Variants in AEBP2 observed in about 807,000 individuals in gnomAD.
The protein encoded by AEBP2 is AE binding protein 2.
Under a neutral mutation model 50.8 loss-of-function variants are expected in AEBP2, and 10 were observed. The ratio of observed to expected loss-of-function variants is 0.20; its 90% CI spans 0.12 to 0.33. The LOEUF (loss-of-function observed/expected upper bound fraction) is 0.33, where lower values mean the gene tolerates loss of function less well. Ranked by LOEUF, AEBP2 falls within the 10% of genes least tolerant of loss-of-function variation. The pLI is 1.00. For missense variants in AEBP2, 570 were observed against 688.0 expected (o/e 0.83, Z 1.92); for synonymous variants, 296 against 261.3 (o/e 1.13, Z -1.28).
chr12:19,431,139 G>T (rs1351487063), intron 1 of AEBP2, among the ~76,000 whole-genome samples: 1 of 152,094 alleles, frequency 6.6e-6, no homozygotes, highest in Non-Finnish European at 1.5e-5. Context: ...GGAAAAATAG[G>T]GGTATGACTA....
At chr12:19,509,176 C>T (rs1949197313) in intron 5 of AEBP2, 2 of 412,622 alleles carry the variant, frequency 4.8e-6, no homozygotes, top group Non-Finnish European at 9.2e-6. Flanking sequence ...GTGACAGGAT[C>T]AAACATGCTT....
intron 3 of AEBP2, among the ~76,000 whole-genome samples, chr12:19,480,362 C>T (rs1415036435): frequency 6.6e-6 from 1 of 152,206 alleles, no homozygotes; most frequent in African/African-American, 2.4e-5. Context: ...ACCTCGGCCT[C>T]CCAGAGTGCT....
chr12:19,439,006 C>T (rs1947891649), upstream of AEBP2, among the ~76,000 whole-genome samples: 1 of 152,130 alleles, frequency 6.6e-6, no homozygotes, highest in African/African-American at 2.4e-5. Context: ...AGTTTGAGGA[C>T]CCTGAACCAA....
intron 1 of AEBP2, among the ~76,000 whole-genome samples, chr12:19,414,496 G>A (rs1291545145): frequency 1.3e-5 from 2 of 152,154 alleles, no homozygotes; most frequent in Non-Finnish European, 2.9e-5. Flanking sequence ...CTGGCACTAG[G>A]ATGAGGTGAG....
At chr12:19,467,609 A>T (rs200799624) in intron 2 of AEBP2, among the ~76,000 whole-genome samples, 1 of 152,104 alleles carries the variant, frequency 6.6e-6, no homozygotes, top group East Asian at 1.9e-4. Flanking sequence ...CCGTACGTCT[A>T]TGTGTGACTG....
chr12:19,466,385 G>A (rs1013517342), intron 2 of AEBP2, among the ~76,000 whole-genome samples: 1 of 152,110 alleles, frequency 6.6e-6, no homozygotes, highest in African/African-American at 2.4e-5. Context: ...GAGCCCAGGA[G>A]GTTGAGGCTG....
chr12:19,426,644 C>T (rs2095748693), intron 1 of AEBP2, among the ~76,000 whole-genome samples: 1 of 152,300 alleles, frequency 6.6e-6, no homozygotes, highest in African/African-American at 2.4e-5. Flanking sequence ...TGACTCACTC[C>T]TGTAATCCCA....
At chr12:19,416,400 C>CTTTTCTTTTT (rs796313053) in intron 1 of AEBP2, among the ~76,000 whole-genome samples, 9 of 146,750 alleles carry the variant, frequency 6.1e-5, no homozygotes, top group East Asian at 2.0e-4. Context: ...TCTTAGCTAT[C>CTTTTCTTTTT]TTTTCTTTTT....
At chr12:19,466,014 A>G (rs1341071658) in intron 2 of AEBP2, among the ~76,000 whole-genome samples, 1 of 150,880 alleles carries the variant, frequency 6.6e-6, no homozygotes, top group Admixed American at 6.6e-5. Context: ...CTGGTCTCGA[A>G]CTCCTGATCT....
chr12:19,413,343 G>A (rs879015050), intron 1 of AEBP2: 14 of 1,085,654 alleles, frequency 1.3e-5, no homozygotes, highest in Admixed American at 3.4e-5. Context: ...CTGAGAAGGT[G>A]TCAGAACAAG....
intron 1 of AEBP2, among the ~76,000 whole-genome samples, chr12:19,462,298 T>G (rs900774640): frequency 6.6e-6 from 1 of 152,136 alleles, no homozygotes; most frequent in Non-Finnish European, 1.5e-5. Context: ...CATTTCTGAT[T>G]TTGAGGTACT....
intron 5 of AEBP2, among the ~76,000 whole-genome samples, chr12:19,506,694 ATTG>A: frequency 6.6e-6 from 1 of 152,186 alleles, no homozygotes; most frequent in Admixed American, 6.5e-5. Context: ...TTGAGAACAA[ATTG>A]TAGAAAGTCA....
intron 1 of AEBP2, among the ~76,000 whole-genome samples, chr12:19,427,863 A>G (rs1314103286): frequency 6.6e-6 from 1 of 152,168 alleles, no homozygotes; most frequent in African/African-American, 2.4e-5. Flanking sequence ...GGGAATTAAA[A>G]AAAATCACAT....
intron 1 of AEBP2, 32 bp downstream of exon 1, chr12:19,440,402 C>T (rs534661378): frequency 8.7e-5 from 127 of 1,463,138 alleles, no homozygotes; most frequent in South Asian, 1.0e-4. Flanking sequence ...CCCTTCCCTT[C>T]CTCCTCTTGA....
At position 19,509,085 on chromosome 12, in the gene AEBP2, C is replaced by T. The variant is rs1216444280; in HGVS notation, c.1300-3313C>T. On this transcript the variant is annotated intron_variant, in intron 5 of 7. Transcript: ENST00000266508. ...CATGGAGGGGTTCGTGCTGTGAGAC[C>T]TAAAGTTCTTAATGAGATTGTCCAA... The T allele has an allele frequency of 5.3e-6, 3 of 569,052 alleles. No homozygotes were observed. In the African/African-American group the frequency reaches 5.6e-5, roughly 11 times the overall value. The allele number at this position is 569,052 out of a possible 1,614,324, so 35.3% of individuals were successfully genotyped here. A position where few individuals can be genotyped will look rare whatever the true frequency, so the allele number is the denominator to read the frequency against.
upstream of AEBP2, among the ~76,000 whole-genome samples, chr12:19,437,593 T>C (rs775972548): frequency 1.4e-4 from 22 of 152,178 alleles, no homozygotes; most frequent in Non-Finnish European, 2.2e-4. Flanking sequence ...GCCTCCTACT[T>C]TGGCCTCCCA....
At chr12:19,489,019 C>T (rs901747182) in intron 3 of AEBP2, among the ~76,000 whole-genome samples, 1 of 152,090 alleles carries the variant, frequency 6.6e-6, no homozygotes. Context: ...AAACTCCTGA[C>T]CTCAGGTGAT....
chr12:19,502,771 C>A (rs1326918769), intron 5 of AEBP2, among the ~76,000 whole-genome samples: 1 of 151,986 alleles, frequency 6.6e-6, no homozygotes, highest in East Asian at 1.9e-4. Flanking sequence ...GCCTCAGCCT[C>A]CCAAGTAGCT....
chr12:19,427,203 C>G (rs1466135794), intron 1 of AEBP2, among the ~76,000 whole-genome samples: 4 of 151,820 alleles, frequency 2.6e-5, no homozygotes, highest in Non-Finnish European at 5.9e-5. Context: ...ATGGTGAAAC[C>G]CCATCTCTAC....
Sources: allele counts gnomAD v4.1 joint callset (sites outside exome capture counted in the v4.1 genomes callset), GRCh38; gene constraint gnomAD v4.1.1; transcripts MANE v1.5; gene names NCBI Gene and HGNC (gene_info 2026-07-23, HGNC 2026-07-21).